Variants in SNX2 observed in about 807,000 individuals in gnomAD.
SNX2 encodes the protein sorting nexin 2.
Under a neutral mutation model 69.9 loss-of-function variants are expected in SNX2, and 25 were observed. The ratio of observed to expected loss-of-function variants is 0.36; its 90% CI spans 0.26 to 0.50. SNX2 has a LOEUF of 0.50. SNX2 is among the 20% of genes least tolerant of loss of function. The pLI is 0.97. For missense variants in SNX2, 551 were observed against 613.3 expected, an observed-to-expected ratio of 0.90 and a Z score of 1.07; for synonymous variants, 229 against 200.4, an observed-to-expected ratio of 1.14 and a Z score of -1.20.
intron 1 of SNX2, among the ~76,000 whole-genome samples, chr5:122,789,078 T>C (rs1753152955): frequency 1.3e-5 from 2 of 152,294 alleles, no homozygotes; most frequent in Middle Eastern, 3.4e-3. Context: ...GTTTATTTTT[T>C]TGTTTGGTCA....
At chr5:122,787,956 T>G (rs759826149) in intron 1 of SNX2, among the ~76,000 whole-genome samples, 7 of 152,224 alleles carry the variant, frequency 4.6e-5, no homozygotes, top group Non-Finnish European at 8.8e-5. Flanking sequence ...AAAAATAATC[T>G]GTTTTATTTA....
chr5:122,828,571 G>C (rs1158069028), intron 14 of SNX2, among the ~76,000 whole-genome samples: 1 of 149,630 alleles, frequency 6.7e-6, no homozygotes, highest in Non-Finnish European at 1.5e-5. Context: ...AACATAAACT[G>C]TCAATATGCT....
chr5:122,814,008 G>A (rs1490128532), intron 7 of SNX2, among the ~76,000 whole-genome samples: 3 of 151,988 alleles, frequency 2.0e-5, no homozygotes, highest in Admixed American at 6.6e-5. Flanking sequence ...TCCTGACCTC[G>A]TGATCTGCCT....
At chr5:122,789,392 A>G (rs1753164119) in intron 1 of SNX2, among the ~76,000 whole-genome samples, 2 of 151,712 alleles carry the variant, frequency 1.3e-5, no homozygotes, top group African/African-American at 2.4e-5. Context: ...GATTTTCCCC[A>G]CATTCTTCAG....
At chr5:122,784,754 A>T (rs1426843134) in intron 1 of SNX2, among the ~76,000 whole-genome samples, 2 of 151,948 alleles carry the variant, frequency 1.3e-5, no homozygotes, top group Admixed American at 6.6e-5. Flanking sequence ...TCGTTAAGTG[A>T]TTTGGCGAGT....
chr5:122,793,229 T>C (rs1753285110), intron 1 of SNX2, among the ~76,000 whole-genome samples: 1 of 152,184 alleles, frequency 6.6e-6, no homozygotes, highest in Non-Finnish European at 1.5e-5. Context: ...TCTAAGTGCT[T>C]ATTAACACTA....
intron 8 of SNX2, 91 bp from the exon 9 acceptor site, chr5:122,816,824 G>A (rs1581643401): frequency 2.7e-5 from 14 of 527,722 alleles, no homozygotes; most frequent in Admixed American, 7.3e-5. Context: ...ATGTGGGGGG[G>A]AGGGGGGAGG....
intron 11 of SNX2, among the ~76,000 whole-genome samples, chr5:122,824,692 A>G (rs1265773857): frequency 6.6e-6 from 1 of 152,184 alleles, no homozygotes; most frequent in Admixed American, 6.5e-5. Context: ...TAATGCTATT[A>G]TCACATTTTT....
chr5:122,821,984 ACATGTT>A (rs1754036464), intron 11 of SNX2, among the ~76,000 whole-genome samples: 1 of 152,190 alleles, frequency 6.6e-6, no homozygotes, highest in Non-Finnish European at 1.5e-5. Flanking sequence ...ACCTAAACCT[ACATGTT>A]TCTTTTTACT....
intron 1 of SNX2, among the ~76,000 whole-genome samples, chr5:122,780,355 A>G (rs1752949176): frequency 6.6e-6 from 1 of 152,152 alleles, no homozygotes; most frequent in Non-Finnish European, 1.5e-5. Context: ...AACAGGTGAT[A>G]TATGTGTAAT....
At chr5:122,807,891 A>G (rs1449503986) in intron 6 of SNX2, among the ~76,000 whole-genome samples, 5 of 152,186 alleles carry the variant, frequency 3.3e-5, no homozygotes, top group Admixed American at 2.6e-4. Flanking sequence ...AGAAATGAAA[A>G]TGTTAATTGA....
rs1382067649 is a variant in SNX2 at position 122,816,221 on chromosome 5, T to C, written c.798+250T>C. Among the ~76,000 whole-genome samples, 3 of 152,280 alleles carry C rather than the reference T, an allele frequency of 2.0e-5. No homozygotes were observed. The East Asian group carries it at 5.8e-4, about 29-fold the overall frequency. On this transcript the variant is annotated intron_variant, in intron 8 of 14. Transcript: ENST00000379516. ...ATTTAAGAGAGTGATTTATAAGTAG[T>C]CTAACTCTGAATGCCCTAAGTTGTT...
At chr5:122,806,839 T>A (rs2150010634) in intron 6 of SNX2, among the ~76,000 whole-genome samples, 1 of 152,302 alleles carries the variant, frequency 6.6e-6, no homozygotes, top group African/African-American at 2.4e-5. Context: ...TGTATTCCAT[T>A]GGAATTTTAA....
chr5:122,832,545 T>A lies in SNX2; in HGVS notation c.*2897T>A, dbSNP rs1754317871. 6.6e-6 allele frequency: 1 copy of A among 152,116 alleles called. No individual in the cohort carries two copies. The highest frequency in any genetic ancestry group is 1.5e-5 in the Non-Finnish European group (1 of 68,034). 9.4% of individuals were successfully genotyped at this position (152,116 alleles called of 1,614,324 possible). Reference sequence around the variant, plus strand: ...TTGCTACTCCTTAAACTTTTTTCTTTATTATCTAGATCTAGTAAAGTTTTC... The same window carrying A: ...TTGCTACTCCTTAAACTTTTTTCTTAATTATCTAGATCTAGTAAAGTTTTC... On this transcript the variant is annotated 3_prime_UTR_variant, in exon 15 of 15. Coordinates refer to ENST00000379516, the MANE Select transcript of SNX2 (RefSeq NM_003100.4).
intron 6 of SNX2, among the ~76,000 whole-genome samples, chr5:122,806,140 G>GCACA (rs1296313992): frequency 2.3e-4 from 7 of 30,214 alleles, no homozygotes; most frequent in Admixed American, 3.7e-4. Flanking sequence ...ACACACGCGC[G>GCACA]CGCACACACA....
At chr5:122,805,290 C>CAAAA (rs767897080) in intron 6 of SNX2, among the ~76,000 whole-genome samples, 101 of 88,256 alleles carry the variant, frequency 1.1e-3, no homozygotes, top group African/African-American at 4.3e-3. Flanking sequence ...GACTCCATCT[C>CAAAA]AAAAAAAAAA....
chr5:122,794,261 A>G (rs2112682), intron 1 of SNX2, among the ~76,000 whole-genome samples: 54,567 of 151,962 alleles, frequency 0.36, 10,445 homozygotes, highest in African/African-American at 0.46. Flanking sequence ...CAGTGAGCCA[A>G]GATTGCACCA....
At chr5:122,819,063 C>T (rs1277202742) in intron 11 of SNX2, 40 bp downstream of exon 11, 1 of 1,486,912 alleles carries the variant, frequency 6.7e-7, no homozygotes, top group South Asian at 1.2e-5. Context: ...GTGTCGTGTA[C>T]TTTAAAAAGT....
At chr5:122,809,599 G>T (rs573686080) in intron 7 of SNX2, among the ~76,000 whole-genome samples, 97 of 152,142 alleles carry the variant, frequency 6.4e-4, no homozygotes, top group Admixed American at 1.2e-3. Context: ...AATTTCACTG[G>T]TTTTTTTGTT....
Sources: allele counts gnomAD v4.1 joint callset (sites outside exome capture counted in the v4.1 genomes callset), GRCh38; gene constraint gnomAD v4.1.1; transcripts MANE v1.5; gene names NCBI Gene and HGNC (gene_info 2026-07-23, HGNC 2026-07-21).